Variants in CDYL2 observed in about 807,000 individuals in gnomAD.
CDYL2 encodes chromodomain Y-like protein 2.
In CDYL2, 23 loss-of-function variants were observed where a neutral mutation model predicts 49.4. The observed-to-expected ratio is 0.47, with a 90% confidence interval of 0.34 to 0.66. The LOEUF (loss-of-function observed/expected upper bound fraction) is 0.66. Ranked by LOEUF, CDYL2 falls within the 30% of genes least tolerant of loss-of-function variation. The pLI is 0.01. For missense variants in CDYL2, 678 were observed against 656.4 expected, an observed-to-expected ratio of 1.03 and a Z score of -0.36; for synonymous variants, 360 against 268.8, an observed-to-expected ratio of 1.34 and a Z score of -3.32.
intron 1 of CDYL2, among the ~76,000 whole-genome samples, chr16:80,750,019 G>GAACACA (rs1357673865): frequency 2.6e-5 from 4 of 151,952 alleles, no homozygotes; most frequent in African/African-American, 9.7e-5. Context: ...CTCACTCAGA[G>GAACACA]GTGGGAATTG....
chr16:80,678,707 T>C (rs936790775), intron 2 of CDYL2, among the ~76,000 whole-genome samples: 12 of 150,084 alleles, frequency 8.0e-5, no homozygotes, highest in Non-Finnish European at 1.5e-4. Flanking sequence ...AGTGTGGCGA[T>C]TCCTCAGGGA....
At chr16:80,702,322 C>A (rs762349270) in intron 1 of CDYL2, among the ~76,000 whole-genome samples, 2 of 151,776 alleles carry the variant, frequency 1.3e-5, no homozygotes, top group Non-Finnish European at 2.9e-5. Context: ...CAGAAAAGCA[C>A]GTTCTGCACA....
chr16:80,728,404 A>AT (rs2142535826), intron 1 of CDYL2, among the ~76,000 whole-genome samples: 1 of 152,294 alleles, frequency 6.6e-6, no homozygotes, highest in Admixed American at 6.5e-5. Flanking sequence ...AGAAAAAAGA[A>AT]TAAAAAGAAA....
chr16:80,605,148 T>C (rs1347144481), intron 6 of CDYL2, among the ~76,000 whole-genome samples: 2 of 151,952 alleles, frequency 1.3e-5, no homozygotes, highest in Non-Finnish European at 2.9e-5. Flanking sequence ...TAATGAGTAA[T>C]AATGATCATA....
chr16:80,725,682 A>G (rs1373067166), intron 1 of CDYL2, among the ~76,000 whole-genome samples: 1 of 152,242 alleles, frequency 6.6e-6, no homozygotes, highest in Non-Finnish European at 1.5e-5. Flanking sequence ...GACTGACCTG[A>G]GAAACCCTAA....
At chr16:80,667,709 C>T (rs1258007249) in intron 2 of CDYL2, among the ~76,000 whole-genome samples, 1 of 152,042 alleles carries the variant, frequency 6.6e-6, no homozygotes, top group Non-Finnish European at 1.5e-5. Flanking sequence ...AATATAAAGA[C>T]CCAGTTGGAA....
chr16:80,758,750 G>C (rs374220042), intron 1 of CDYL2, among the ~76,000 whole-genome samples: 1 of 151,742 alleles, frequency 6.6e-6, no homozygotes, highest in South Asian at 2.1e-4. Context: ...CACCGTGTTA[G>C]CCAGGATGGT....
At chr16:80,722,197 A>C (rs1163793255) in intron 1 of CDYL2, among the ~76,000 whole-genome samples, 1 of 152,192 alleles carries the variant, frequency 6.6e-6, no homozygotes, top group African/African-American at 2.4e-5. Flanking sequence ...TACTGATTTA[A>C]AAAAAAGAAG....
intron 3 of CDYL2, among the ~76,000 whole-genome samples, chr16:80,630,330 T>G (rs954199777): frequency 6.6e-6 from 1 of 152,192 alleles, no homozygotes; most frequent in African/African-American, 2.4e-5. Context: ...CAACATGTTT[T>G]CCATGATGAG....
At position 80,628,050 on chromosome 16, in the gene CDYL2, C is replaced by G. The variant is rs573532686; in HGVS notation, c.834+4969G>C. 3 of 152,284 alleles carry G rather than the reference C, an allele frequency of 2.0e-5. No individual in the cohort carries two copies. In the East Asian group the frequency reaches 5.8e-4, roughly 29 times the overall value. The allele number at this position is 152,284 out of a possible 1,614,324, so 9.4% of individuals were successfully genotyped here. Reference sequence around the variant, plus strand: ...TGTACCTGCTGAAATCCAGTCACACCAGGCCTATCTCAAATGCAACCACCT... The same window carrying G: ...TGTACCTGCTGAAATCCAGTCACACGAGGCCTATCTCAAATGCAACCACCT... On this transcript the variant is annotated intron_variant, in intron 3 of 6. Transcript: ENST00000570137.
At chr16:80,626,914 A>T (rs1016891882) in intron 3 of CDYL2, among the ~76,000 whole-genome samples, 2 of 152,212 alleles carry the variant, frequency 1.3e-5, no homozygotes, top group African/African-American at 4.8e-5. Context: ...TGCAAGTGAC[A>T]CCATGAAGAC....
chr16:80,765,352 T>G (rs1597122647), intron 1 of CDYL2, among the ~76,000 whole-genome samples: 1 of 151,668 alleles, frequency 6.6e-6, no homozygotes, highest in East Asian at 1.9e-4. Context: ...GACGAAAGAC[T>G]AAAAACTGTA....
At chr16:80,618,882 G>C (rs758270449) in intron 4 of CDYL2, among the ~76,000 whole-genome samples, 1 of 152,224 alleles carries the variant, frequency 6.6e-6, no homozygotes, top group Non-Finnish European at 1.5e-5. Flanking sequence ...TCTTTGAGCT[G>C]CTAATGATTT....
intron 1 of CDYL2, among the ~76,000 whole-genome samples, chr16:80,688,811 T>C (rs972298519): frequency 1.3e-5 from 2 of 152,214 alleles, no homozygotes; most frequent in Admixed American, 6.5e-5. Context: ...GGACTTGACC[T>C]TGCATATGAC....
chr16:80,658,869 C>T (rs993939697), intron 2 of CDYL2, among the ~76,000 whole-genome samples: 9 of 151,672 alleles, frequency 5.9e-5, no homozygotes, highest in Non-Finnish European at 1.3e-4. Context: ...TCTTATTGTA[C>T]CTAAAAATAG....
At chr16:80,651,188 G>C (rs1271610546) in intron 2 of CDYL2, among the ~76,000 whole-genome samples, 1 of 152,078 alleles carries the variant, frequency 6.6e-6, no homozygotes, top group Non-Finnish European at 1.5e-5. Context: ...ATTATGCATT[G>C]CATCCCTGTA....
intron 1 of CDYL2, among the ~76,000 whole-genome samples, chr16:80,794,833 G>A (rs764346638): frequency 4.0e-5 from 6 of 151,818 alleles, no homozygotes; most frequent in South Asian, 2.1e-4. Flanking sequence ...GGCTGGTCTC[G>A]AACTCCCGAC....
At chr16:80,706,282 G>A (rs1367348270) in intron 1 of CDYL2, among the ~76,000 whole-genome samples, 1 of 152,188 alleles carries the variant, frequency 6.6e-6, no homozygotes, top group Non-Finnish European at 1.5e-5. Flanking sequence ...TGAAAAATGA[G>A]TTGCCCTCCA....
chr16:80,622,839 T>C (rs902802705), intron 3 of CDYL2, among the ~76,000 whole-genome samples: 2 of 152,206 alleles, frequency 1.3e-5, no homozygotes, highest in Admixed American at 6.5e-5. Flanking sequence ...GCAGCCCGGC[T>C]ATTCAGCTCC....
Sources: allele counts gnomAD v4.1 joint callset (sites outside exome capture counted in the v4.1 genomes callset), GRCh38; gene constraint gnomAD v4.1.1; transcripts MANE v1.5; gene names NCBI Gene and HGNC (gene_info 2026-07-23, HGNC 2026-07-21).